Variants in NALF1 observed in about 807,000 individuals in gnomAD.
The protein encoded by NALF1 is NALCN channel auxiliary factor 1.
Under a neutral mutation model 48.4 loss-of-function variants are expected in NALF1, and 3 were observed. The observed-to-expected ratio is 0.06, with a 90% confidence interval of 0.03 to 0.16. The LOEUF (loss-of-function observed/expected upper bound fraction) is 0.16. Ranked by LOEUF, NALF1 falls within the 10% of genes least tolerant of loss-of-function variation. NALF1 has a pLI of 1.00. For missense variants in NALF1, 526 were observed against 571.5 expected, an observed-to-expected ratio of 0.92 and a Z score of 0.81; for synonymous variants, 262 against 245.7, an observed-to-expected ratio of 1.07 and a Z score of -0.62.
intron 1 of NALF1, among the ~76,000 whole-genome samples, chr13:107,691,666 T>C (rs758374126): frequency 6.6e-5 from 10 of 152,208 alleles, no homozygotes; most frequent in Admixed American, 1.3e-4. Context: ...TATATGAATG[T>C]TGTGCTTTGA....
chr13:107,759,916 G>A (rs1197338941), intron 1 of NALF1, among the ~76,000 whole-genome samples: 1 of 152,020 alleles, frequency 6.6e-6, no homozygotes, highest in East Asian at 1.9e-4. Flanking sequence ...GTTCTTCAGG[G>A]TACGTGAAAC....
intron 1 of NALF1, among the ~76,000 whole-genome samples, chr13:107,818,135 A>G (rs767184544): frequency 1.4e-4 from 22 of 152,168 alleles, no homozygotes; most frequent in Non-Finnish European, 4.4e-5. Context: ...TCGGAGGGAC[A>G]TCAACAAGCA....
chr13:107,781,050 A>T (rs1566479018), intron 1 of NALF1, among the ~76,000 whole-genome samples: 1 of 152,214 alleles, frequency 6.6e-6, no homozygotes, highest in Admixed American at 6.5e-5. Context: ...GAGAAATGTC[A>T]AATACTTATC....
At chr13:107,188,574 T>C (rs192009025) in intron 2 of NALF1, among the ~76,000 whole-genome samples, 23 of 152,242 alleles carry the variant, frequency 1.5e-4, no homozygotes, top group African/African-American at 5.3e-4. Flanking sequence ...CAAGTAGTTT[T>C]TGGGAGTAAT....
At chr13:107,637,317 T>C (rs925378668) in intron 1 of NALF1, among the ~76,000 whole-genome samples, 11 of 152,236 alleles carry the variant, frequency 7.2e-5, no homozygotes, top group Non-Finnish European at 5.9e-5. Context: ...ATTTTATTCA[T>C]GATGTAATTA....
chr13:107,520,553 C>A (rs559596962), intron 1 of NALF1, among the ~76,000 whole-genome samples: 1 of 152,172 alleles, frequency 6.6e-6, no homozygotes, highest in East Asian at 1.9e-4. Context: ...CAGTAGCTAA[C>A]GCTTATTAAA....
chr13:107,568,257 A>G (rs1877875604), intron 1 of NALF1, among the ~76,000 whole-genome samples: 1 of 152,246 alleles, frequency 6.6e-6, no homozygotes, highest in African/African-American at 2.4e-5. Flanking sequence ...TTAGGATTAT[A>G]GGTGTGGGCC....
chr13:107,446,015 T>G (rs944524503), intron 1 of NALF1, among the ~76,000 whole-genome samples: 4 of 152,172 alleles, frequency 2.6e-5, no homozygotes, highest in African/African-American at 9.6e-5. Context: ...CTTAGTGCGC[T>G]GCAACCTCCG....
chr13:107,233,927 TTAC>T (rs1338362545), intron 1 of NALF1, among the ~76,000 whole-genome samples: 2 of 152,228 alleles, frequency 1.3e-5, no homozygotes, highest in Non-Finnish European at 2.9e-5. Flanking sequence ...GCTTATTCTA[TTAC>T]TACATTGTTT....
Position 107,403,354 on chromosome 13 carries a change from G to A in NALF1, c.916-192599C>T, listed in dbSNP as rs116809702. ...CTGGTATGCAGCTCTCCTGTGGAATGCATGTGCTTGCTCTGACAGAGCAAA... is the reference window on the plus strand; with the variant it reads ...CTGGTATGCAGCTCTCCTGTGGAATACATGTGCTTGCTCTGACAGAGCAAA... On this transcript the variant is annotated intron_variant, in intron 1 of 2. Transcript: ENST00000375915. Among the ~76,000 whole-genome samples, 1,353 of 151,676 alleles carry A rather than the reference G, an allele frequency of 8.9e-3. 22 individuals carry two copies. The highest frequency in any genetic ancestry group is 0.031 in the African/African-American group (1,289 of 41,338).
chr13:107,643,962 ATT>A (rs35582790), intron 1 of NALF1, among the ~76,000 whole-genome samples: 19,016 of 138,004 alleles, frequency 0.14, 1,760 homozygotes, highest in East Asian at 0.34. Flanking sequence ...GTTTCAGATG[ATT>A]TTTTTTTTTT....
intron 1 of NALF1, among the ~76,000 whole-genome samples, chr13:107,581,019 ACCCAG>A (rs1461293074): frequency 6.6e-6 from 1 of 152,160 alleles, no homozygotes; most frequent in Non-Finnish European, 1.5e-5. Flanking sequence ...AATACGGTAA[ACCCAG>A]ATAAGAGCAA....
At chr13:107,838,002 G>C (rs1879946423) in intron 1 of NALF1, among the ~76,000 whole-genome samples, 1 of 152,022 alleles carries the variant, frequency 6.6e-6, no homozygotes, top group Non-Finnish European at 1.5e-5. Flanking sequence ...TTCTTAATTA[G>C]GTGCTCGAAA....
intron 1 of NALF1, among the ~76,000 whole-genome samples, chr13:107,612,020 GAGAA>G (rs1879236274): frequency 7.3e-6 from 1 of 136,568 alleles, no homozygotes; most frequent in African/African-American, 2.7e-5. Flanking sequence ...GAAAGAGAGA[GAGAA>G]AGAAAGAGGA....
At chr13:107,338,852 G>T (rs926915819) in intron 1 of NALF1, among the ~76,000 whole-genome samples, 1 of 152,126 alleles carries the variant, frequency 6.6e-6, no homozygotes, top group Non-Finnish European at 1.5e-5. Flanking sequence ...CAGCTTGACG[G>T]CCGGGAGCTG....
At chr13:107,192,394 C>G (rs919038541) in intron 2 of NALF1, among the ~76,000 whole-genome samples, 1 of 152,028 alleles carries the variant, frequency 6.6e-6, no homozygotes, top group Non-Finnish European at 1.5e-5. Flanking sequence ...CAGTTGCGAC[C>G]GCGGCCCTGA....
chr13:107,382,299 C>T (rs964853134), intron 1 of NALF1, among the ~76,000 whole-genome samples: 3 of 152,096 alleles, frequency 2.0e-5, no homozygotes, highest in African/African-American at 4.8e-5. Flanking sequence ...AAGCAAAAAT[C>T]GTGTTTGAAT....
intron 1 of NALF1, among the ~76,000 whole-genome samples, chr13:107,712,793 A>C (rs1875643731): frequency 6.6e-6 from 1 of 152,242 alleles, no homozygotes; most frequent in Admixed American, 6.5e-5. Flanking sequence ...AGTCTACAAA[A>C]GCTTTTCAAA....
rs533592757 is a variant in NALF1, at chr13:107,346,418, G to A, written c.916-135663C>T. On this transcript the variant is annotated intron_variant, in intron 1 of 2. Coordinates refer to ENST00000375915, the MANE Select transcript of NALF1 (RefSeq NM_001080396.3). ...TGAATGAAGAAAATATGGTGTATAC[G>A]CATGCAATGCAACATATTCTGCCTT... Among the ~76,000 whole-genome samples the A allele has an allele frequency of 2.0e-3, 309 of 152,282 alleles. 6 individuals carry two copies. In the South Asian group the frequency reaches 0.038, roughly 19 times the overall value.
Sources: allele counts gnomAD v4.1 joint callset (sites outside exome capture counted in the v4.1 genomes callset), GRCh38; gene constraint gnomAD v4.1.1; transcripts MANE v1.5; gene names NCBI Gene and HGNC (gene_info 2026-07-23, HGNC 2026-07-21).